The following TRHDE variants were observed in gnomAD, a reference collection of about 807,000 sequenced individuals.
TRHDE encodes thyrotropin-releasing hormone-degrading ectoenzyme.
Under a neutral mutation model 125.7 loss-of-function variants are expected in TRHDE, and 72 were observed. The ratio of observed to expected loss-of-function variants is 0.57; its 90% CI spans 0.47 to 0.70. The LOEUF (loss-of-function observed/expected upper bound fraction) is 0.70, where lower values mean the gene tolerates loss of function less well. TRHDE is among the 30% of genes least tolerant of loss of function. The pLI is 0.00. For synonymous variants in TRHDE, 509 were observed against 509.1 expected, an observed-to-expected ratio of 1.00 and a Z score of 0.00; for missense variants, 1,110 against 1,327.1, an observed-to-expected ratio of 0.84 and a Z score of 2.54.
At chr12:72,640,429 G>T (rs1199927167) in intron 15 of TRHDE, among the ~76,000 whole-genome samples, 2 of 152,220 alleles carry the variant, frequency 1.3e-5, no homozygotes, top group South Asian at 4.1e-4. Context: ...AGATGAACCC[G>T]GTACCTCAGA....
chr12:72,418,519 TA>T (rs1300935797), intron 3 of TRHDE, among the ~76,000 whole-genome samples: 1 of 152,058 alleles, frequency 6.6e-6, no homozygotes, highest in Non-Finnish European at 1.5e-5. Flanking sequence ...AATGGATTTT[TA>T]AAAAACTTTC....
chr12:72,239,341 G>A (rs1313437736), intron 2 of TRHDE, among the ~76,000 whole-genome samples: 2 of 151,954 alleles, frequency 1.3e-5, no homozygotes, highest in African/African-American at 2.4e-5. Context: ...TAGGTTGCCT[G>A]TTCACTCTGA....
intron 6 of TRHDE, among the ~76,000 whole-genome samples, chr12:72,517,618 G>C (rs1878945753): frequency 6.6e-6 from 1 of 151,986 alleles, no homozygotes; most frequent in East Asian, 1.9e-4. Context: ...TTAATTTTTT[G>C]AAGGGTTTTT....
chr12:72,227,826 C>A (rs1878165332), intron 2 of TRHDE, among the ~76,000 whole-genome samples: 1 of 152,192 alleles, frequency 6.6e-6, no homozygotes, highest in South Asian at 2.1e-4. Context: ...GGCTACAGGA[C>A]CCATGCATTC....
At chr12:72,123,634 C>G (rs1875643198) in intron 2 of TRHDE, among the ~76,000 whole-genome samples, 1 of 151,964 alleles carries the variant, frequency 6.6e-6, no homozygotes, top group Non-Finnish European at 1.5e-5. Context: ...TACTTTTGAG[C>G]ATATATTTTT....
intron 2 of TRHDE, among the ~76,000 whole-genome samples, chr12:72,230,991 AAAG>A (rs1355022543): frequency 1.3e-5 from 2 of 152,210 alleles, no homozygotes; most frequent in African/African-American, 4.8e-5. Context: ...AAATTGTGAA[AAAG>A]AAGTAACAAA....
At chr12:72,170,535 G>C (rs150506322) in intron 2 of TRHDE, among the ~76,000 whole-genome samples, 1 of 152,006 alleles carries the variant, frequency 6.6e-6, no homozygotes, top group Non-Finnish European at 1.5e-5. Flanking sequence ...TGGAGCAGTG[G>C]TTCTCAAACT....
At chr12:72,126,048 T>C (rs1875705549) in intron 2 of TRHDE, among the ~76,000 whole-genome samples, 1 of 152,074 alleles carries the variant, frequency 6.6e-6, no homozygotes, top group Admixed American at 6.6e-5. Context: ...TAGCAGAGTA[T>C]TGATCAGGGC....
chr12:72,519,117 A>G (rs1486500225), intron 6 of TRHDE, among the ~76,000 whole-genome samples: 1 of 151,804 alleles, frequency 6.6e-6, no homozygotes, highest in Non-Finnish European at 1.5e-5. Flanking sequence ...TCTGACAATT[A>G]TGTGTCTTGG....
intron 2 of TRHDE, among the ~76,000 whole-genome samples, chr12:72,235,078 G>T (rs962894300): frequency 3.3e-5 from 5 of 152,114 alleles, no homozygotes; most frequent in African/African-American, 1.2e-4. Flanking sequence ...CTCATCAGAA[G>T]AAAGTCTTCA....
chr12:72,419,266 G>GA (rs1218719399), intron 3 of TRHDE, among the ~76,000 whole-genome samples: 2 of 152,128 alleles, frequency 1.3e-5, no homozygotes, highest in African/African-American at 4.8e-5. Flanking sequence ...AGTTGCTAGA[G>GA]AAAAAATGTA....
intron 3 of TRHDE, among the ~76,000 whole-genome samples, chr12:72,436,432 C>G (rs763496174): frequency 1.3e-5 from 2 of 151,812 alleles, no homozygotes; most frequent in Non-Finnish European, 2.9e-5. Context: ...TAATACGAAC[C>G]TATTAAAATT....
intron 15 of TRHDE, among the ~76,000 whole-genome samples, chr12:72,627,233 T>C (rs2136083478): frequency 6.6e-6 from 1 of 152,076 alleles, no homozygotes; most frequent in Middle Eastern, 3.4e-3. Flanking sequence ...TTCCAGTGCT[T>C]ATATCAGCTC....
At chr12:72,605,685 A>G (rs1174292707) in intron 12 of TRHDE, among the ~76,000 whole-genome samples, 2 of 152,172 alleles carry the variant, frequency 1.3e-5, no homozygotes, top group Non-Finnish European at 2.9e-5. Flanking sequence ...ATCACTTTAA[A>G]TCATAAAGAA....
intron 2 of TRHDE, among the ~76,000 whole-genome samples, chr12:72,353,159 A>G (rs550762042): frequency 6.6e-6 from 1 of 151,852 alleles, no homozygotes; most frequent in South Asian, 2.1e-4. Context: ...CAGATTAAAA[A>G]TACATTGACA....
intron 2 of TRHDE, among the ~76,000 whole-genome samples, chr12:72,353,353 A>G (rs1175484445): frequency 6.6e-6 from 1 of 151,746 alleles, no homozygotes; most frequent in East Asian, 1.9e-4. Flanking sequence ...ACCAGAAAGG[A>G]ATATACAGGA....
At chr12:72,429,819 G>A (rs1874366839) in intron 3 of TRHDE, among the ~76,000 whole-genome samples, 1 of 151,822 alleles carries the variant, frequency 6.6e-6, no homozygotes, top group African/African-American at 2.4e-5. Context: ...ATATATCTTT[G>A]GAGAAATATT....
Position 72,542,465 on chromosome 12 carries a change from T to C in TRHDE, c.1788+109T>C, listed in dbSNP as rs894805349. The C allele has an allele frequency of 1.0e-5, 8 of 800,498 alleles. No homozygotes were observed. The Admixed American group carries it at 1.1e-4, about 11-fold the overall frequency. 49.6% of individuals were successfully genotyped at this position (800,498 alleles called of 1,614,324 possible). A position where few individuals can be genotyped will look rare whatever the true frequency, so the allele number is the denominator to read the frequency against. ...CTGAACTTGGTGGAAAACTTTAAGA[T>C]GTGTAAGTTAAGCAATGTCTTTCTA... is the stretch of plus-strand genomic sequence containing the variant. On this transcript the variant is annotated intron_variant, in intron 7 of 18. Coordinates refer to ENST00000261180, the MANE Select transcript of TRHDE (RefSeq NM_013381.3).
chr12:72,271,743 A>G (rs1172598220), upstream of TRHDE: 3 of 372,482 alleles, frequency 8.1e-6, no homozygotes, highest in Admixed American at 6.4e-5. Context: ...ACACACGCGC[A>G]CACACATGCA....
Sources: gnomAD v4.1 joint callset for allele counts (sites outside exome capture counted in the v4.1 genomes callset) on GRCh38, gnomAD v4.1.1 for gene constraint, MANE v1.5 for transcripts, NCBI Gene and HGNC (gene_info 2026-07-23, HGNC 2026-07-21) for gene names.